The following SPHKAP variants were observed in gnomAD, a reference collection of about 807,000 sequenced individuals.
The protein encoded by SPHKAP is A-kinase anchor protein SPHKAP.
A neutral mutation model predicts 137.5 loss-of-function variants in SPHKAP; 67 were observed. The ratio of observed to expected loss-of-function variants is 0.49; its 90% CI spans 0.40 to 0.60. The LOEUF is 0.60. Among genes scored for constraint, SPHKAP ranks in the 20% least tolerant of loss-of-function variants. SPHKAP has a pLI of 0.00. For missense variants in SPHKAP, 2,097 were observed against 2,069.3 expected (o/e 1.01, Z -0.26); for synonymous variants, 813 against 785.3 (o/e 1.04, Z -0.59).
chr2:228,029,285 A>T lies in SPHKAP; in HGVS notation c.247-1742T>A, dbSNP rs576784727. On this transcript the variant is annotated intron_variant, in intron 3 of 11. Coordinates refer to ENST00000392056, the MANE Select transcript of SPHKAP (RefSeq NM_001142644.2). ...TTTGAACTTTCAGATGCCTGCAAAT[A>T]TATGGGGCTTTCTGATCTTAGTTAC... Among the ~76,000 whole-genome samples the T allele has an allele frequency of 2.0e-5, 3 of 152,338 alleles. No homozygotes were observed. The East Asian group carries it at 5.8e-4, about 29-fold the overall frequency.
In SPHKAP at chr2:228,017,317, G is replaced by C; in HGVS notation, c.3537C>G (p.Ser1179Arg). The change falls in exon 7 of 12, where the codon AGC becomes AGG. Residue 1179 changes from serine (S) to arginine (R), a missense_variant. Physicochemically the swap from Ser to Arg is moderately radical, Grantham distance 110 (BLOSUM62 -1). Coordinates refer to ENST00000392056, the MANE Select transcript of SPHKAP (RefSeq NM_001142644.2). ...RKSDHLSVRP[S>R]CPSKQSSTES... Reference sequence around the variant, plus strand: ...CTGTGCTGGACTGCTTAGAGGGACAGCTAGGCCTCACACTGAGGTGGTCAC... The same window carrying C: ...CTGTGCTGGACTGCTTAGAGGGACACCTAGGCCTCACACTGAGGTGGTCAC... 1 of 1,613,960 alleles carries C rather than the reference G, an allele frequency of 6.2e-7. No homozygotes were observed. Among genetic ancestry groups the C allele is most frequent in the Non-Finnish European group, 8.5e-7 (1 of 1,179,982 alleles).
chr2:228,130,753 C>T (rs571010071), intron 2 of SPHKAP, among the ~76,000 whole-genome samples: 1 of 152,166 alleles, frequency 6.6e-6, no homozygotes, highest in East Asian at 1.9e-4. Context: ...ACTATTAGCT[C>T]TTTTATGAAT....
At chr2:228,091,424 A>G (rs1419169366) in intron 3 of SPHKAP, among the ~76,000 whole-genome samples, 2 of 151,792 alleles carry the variant, frequency 1.3e-5, no homozygotes, top group Non-Finnish European at 2.9e-5. Flanking sequence ...GGTGTGACTT[A>G]GTTAAACTAA....
Position 228,064,179 on chromosome 2 carries a change from C to T in SPHKAP, c.247-36636G>A, listed in dbSNP as rs79574621. ...AATTCTATCACTCTCCTAGGCATAG[C>T]GACCCTAAATGAAAACACATATTAA... On this transcript the variant is annotated intron_variant, in intron 3 of 11. Transcript: ENST00000392056. 5.4e-3 allele frequency among the ~76,000 whole-genome samples: 820 copies of T among 152,224 alleles called. 6 individuals are homozygous for T. The highest frequency in any genetic ancestry group is 0.019 in the African/African-American group (777 of 41,584).
intron 3 of SPHKAP, among the ~76,000 whole-genome samples, chr2:228,078,718 C>T (rs1051902061): frequency 1.3e-5 from 2 of 152,152 alleles, no homozygotes; most frequent in East Asian, 1.9e-4. Flanking sequence ...AGAAAAGACA[C>T]ATGGAACTGT....
intron 1 of SPHKAP, among the ~76,000 whole-genome samples, chr2:228,146,718 G>A (rs1177504868): frequency 2.6e-5 from 4 of 152,158 alleles, no homozygotes; most frequent in African/African-American, 9.7e-5. Flanking sequence ...GCGTGTTCCC[G>A]CAAAAGACAC....
In SPHKAP at chr2:228,019,786, T is replaced by G. The variant is rs753114636; in HGVS notation, c.1068A>C (p.Ala356=). Residue 356 remains alanine, a synonymous_variant, in exon 7 of 12, where the codon GCA becomes GCC. Coordinates refer to ENST00000392056, the MANE Select transcript of SPHKAP (RefSeq NM_001142644.2). The part of the protein sequence containing the change: ...FSMMDKDVPS[A]CAVAEQRSNL... ...TGCTTCTCTGCTCTGCCACAGCACATGCAGAAGGTACATCTTTATCCATCA... is the reference window on the plus strand; with the variant it reads ...TGCTTCTCTGCTCTGCCACAGCACAGGCAGAAGGTACATCTTTATCCATCA... 8.1e-6 allele frequency: 13 copies of G among 1,614,018 alleles called. No homozygotes were observed. The highest frequency in any genetic ancestry group is 1.3e-5 in the African/African-American group (1 of 74,930).
chr2:228,174,629 A>T (rs1213678249), intron 1 of SPHKAP, among the ~76,000 whole-genome samples: 1 of 152,298 alleles, frequency 6.6e-6, no homozygotes, highest in African/African-American at 2.4e-5. Flanking sequence ...ATTATTTTAC[A>T]CAAGATTTTT....
chr2:228,001,549 A>G (rs1472960145), intron 7 of SPHKAP, among the ~76,000 whole-genome samples: 1 of 145,988 alleles, frequency 6.8e-6, no homozygotes, highest in African/African-American at 2.5e-5. Flanking sequence ...AAATATACAT[A>G]TATATAAAAA....
chr2:228,041,320 T>C (rs1224760631), intron 3 of SPHKAP, among the ~76,000 whole-genome samples: 1 of 152,064 alleles, frequency 6.6e-6, no homozygotes, highest in African/African-American at 2.4e-5. Context: ...CTTAGGAAAG[T>C]TAAATCAGGA....
chr2:228,124,667 G>A (rs559684813), intron 2 of SPHKAP, among the ~76,000 whole-genome samples: 9 of 152,062 alleles, frequency 5.9e-5, no homozygotes, highest in African/African-American at 1.9e-4. Context: ...CACCAACATG[G>A]CACATGTATA....
At chr2:228,125,620 G>C (rs1282487426) in intron 2 of SPHKAP, among the ~76,000 whole-genome samples, 1 of 152,116 alleles carries the variant, frequency 6.6e-6, no homozygotes, top group Admixed American at 6.6e-5. Flanking sequence ...TCCCACCGCA[G>C]CCCTGGAGAT....
intron 3 of SPHKAP, among the ~76,000 whole-genome samples, chr2:228,060,442 G>A (rs1382774082): frequency 6.6e-6 from 1 of 152,132 alleles, no homozygotes; most frequent in Non-Finnish European, 1.5e-5. Flanking sequence ...CCATTACTTG[G>A]AAATGAGAAA....
intron 3 of SPHKAP, among the ~76,000 whole-genome samples, chr2:228,047,081 T>C (rs1461869674): frequency 6.6e-6 from 1 of 152,196 alleles, no homozygotes; most frequent in Non-Finnish European, 1.5e-5. Flanking sequence ...CTCTCCAAAA[T>C]ATAAGTGAGT....
intron 7 of SPHKAP, among the ~76,000 whole-genome samples, chr2:228,006,646 CT>C (rs939773514): frequency 2.0e-5 from 3 of 151,982 alleles, no homozygotes; most frequent in Non-Finnish European, 2.9e-5. Flanking sequence ...TTTTTCTGTT[CT>C]GTCTTTTCCC....
intron 1 of SPHKAP, among the ~76,000 whole-genome samples, chr2:228,170,211 A>AT: frequency 6.6e-6 from 1 of 152,230 alleles, no homozygotes; most frequent in Middle Eastern, 3.4e-3. Context: ...GAGCAAATAA[A>AT]TTTTTTTGTT....
Position 227,995,556 on chromosome 2 carries a change from G to C in SPHKAP, c.4587C>G (p.Asn1529Lys), listed in dbSNP as rs1399638000. 6.2e-7 allele frequency: 1 copy of C among 1,613,970 alleles called. No homozygotes were observed. The highest frequency in any genetic ancestry group is 1.3e-5 in the African/African-American group (1 of 74,898). Residue 1529 changes from asparagine (N) to lysine (K), a missense_variant, in exon 8 of 12, where the codon AAC becomes AAG. Physicochemically the swap from Asn to Lys is moderately conservative, Grantham distance 94. Transcript: ENST00000392056. ...GGAGAAAGCTACTTGTGTCATCTGGGTTGTCTTCCTCATTGGCAAGCTGGG... is the reference window on the plus strand; with the variant it reads ...GGAGAAAGCTACTTGTGTCATCTGGCTTGTCTTCCTCATTGGCAAGCTGGG... Reference protein sequence around the residue: ...SWTQLANEEDNPDDTSSFLQL... With the variant: ...SWTQLANEEDKPDDTSSFLQL...
intron 1 of SPHKAP, among the ~76,000 whole-genome samples, chr2:228,161,387 T>C (rs1261377614): frequency 6.6e-6 from 1 of 152,142 alleles, no homozygotes; most frequent in African/African-American, 2.4e-5. Flanking sequence ...AACAATGATA[T>C]TTTCATTTGC....
chr2:228,111,055 G>T (rs562837240), intron 2 of SPHKAP, among the ~76,000 whole-genome samples: 2 of 152,150 alleles, frequency 1.3e-5, no homozygotes, highest in South Asian at 2.1e-4. Context: ...TTTTCTTAGA[G>T]TGCAAAAGAA....
Sources: gnomAD v4.1 joint callset for allele counts (sites outside exome capture counted in the v4.1 genomes callset) on GRCh38, gnomAD v4.1.1 for gene constraint, MANE v1.5 for transcripts, NCBI Gene and HGNC (gene_info 2026-07-23, HGNC 2026-07-21) for gene names.